The following CYB5R4 variants were observed in gnomAD, a reference collection of about 807,000 sequenced individuals.
CYB5R4 encodes cytochrome b5 reductase 4.
CYB5R4 carries 55 observed loss-of-function variants against 70.2 expected under a neutral mutation model. The observed-to-expected ratio is 0.78, with a 90% CI of 0.63 to 0.98. The LOEUF is 0.98. CYB5R4 is among the 50% of genes least tolerant of loss of function. The pLI is 0.00. For missense variants in CYB5R4, 562 were observed against 612.6 expected (o/e 0.92, Z 0.87); for synonymous variants, 197 against 199.5 (o/e 0.99, Z 0.11).
chr6:83,923,884 T>C (rs1469771697), intron 9 of CYB5R4, among the ~76,000 whole-genome samples: 2 of 150,572 alleles, frequency 1.3e-5, no homozygotes, highest in Non-Finnish European at 3.0e-5. Flanking sequence ...GCTAACACAG[T>C]GAAACCCCAT....
intron 3 of CYB5R4, among the ~76,000 whole-genome samples, chr6:83,907,476 CTTT>C (rs57474226): frequency 1.4e-5 from 2 of 144,936 alleles, no homozygotes; most frequent in African/African-American, 5.0e-5. Flanking sequence ...TTTTTTTGTT[CTTT>C]TTTTTTTTAA....
At chr6:83,870,311 T>TGCTATGAA (rs1454147297) in intron 2 of CYB5R4, among the ~76,000 whole-genome samples, 1 of 152,228 alleles carries the variant, frequency 6.6e-6, no homozygotes, top group African/African-American at 2.4e-5. Flanking sequence ...TGGAAATGAT[T>TGCTATGAA]GCTATGAACA....
In CYB5R4 at chr6:83,893,771, C is replaced by T. The variant is rs1413558411; in HGVS notation, c.330+149C>T. ...AGTGTGGGAAGATGCTCACAAGTAG[C>T]AGCTGTTCATTTAATTTGCCCTTTG... On this transcript the variant is annotated intron_variant, in intron 3 of 15. Transcript: ENST00000369681. 4 of 522,622 alleles carry T rather than the reference C, an allele frequency of 7.7e-6. No individual in the cohort carries two copies. The African/African-American group carries it at 7.9e-5, about 10-fold the overall frequency. The allele number at this position is 522,622 out of a possible 1,614,324, so 32.4% of individuals were successfully genotyped here.
chr6:83,880,218 C>T (rs73477112), intron 2 of CYB5R4, among the ~76,000 whole-genome samples: 3,690 of 152,250 alleles, frequency 0.024, 145 homozygotes, highest in African/African-American at 0.084. Flanking sequence ...TTGATCACCT[C>T]AAATATTTAT....
At chr6:83,880,517 A>C (rs1038382634) in intron 2 of CYB5R4, among the ~76,000 whole-genome samples, 1 of 152,178 alleles carries the variant, frequency 6.6e-6, no homozygotes, top group Non-Finnish European at 1.5e-5. Context: ...ATACTTGTGT[A>C]ATATTGATGT....
At chr6:83,943,520 A>G (rs920599542) in intron 14 of CYB5R4, among the ~76,000 whole-genome samples, 4 of 152,190 alleles carry the variant, frequency 2.6e-5, no homozygotes, top group African/African-American at 9.6e-5. Context: ...AAACCTATGC[A>G]AAAAGGCTGA....
chr6:83,941,913 C>G (rs966342545), intron 14 of CYB5R4, among the ~76,000 whole-genome samples: 1 of 152,202 alleles, frequency 6.6e-6, no homozygotes, highest in Non-Finnish European at 1.5e-5. Flanking sequence ...CTGCTCCTCA[C>G]CAGCATGAAA....
At chr6:83,863,695 C>A (rs12199033) in intron 1 of CYB5R4, among the ~76,000 whole-genome samples, 21 of 151,254 alleles carry the variant, frequency 1.4e-4, no homozygotes, top group Non-Finnish European at 2.9e-4. Context: ...AACTTTAGAT[C>A]AAAAATATTT....
chr6:83,931,805 T>A (rs186245287), intron 10 of CYB5R4, among the ~76,000 whole-genome samples: 4,579 of 74,922 alleles, frequency 0.061, 169 homozygotes, highest in African/African-American at 0.23. Context: ...ATATATATAT[T>A]TTTTTTTTAT....
At chr6:83,917,705 T>C (rs1432363202) in intron 5 of CYB5R4, among the ~76,000 whole-genome samples, 1 of 152,124 alleles carries the variant, frequency 6.6e-6, no homozygotes, top group African/African-American at 2.4e-5. Context: ...TCATTCTACT[T>C]ATATAAAGTT....
chr6:83,901,705 G>GT (rs34070915), intron 3 of CYB5R4, among the ~76,000 whole-genome samples: 9,538 of 143,874 alleles, frequency 0.066, 537 homozygotes, highest in African/African-American at 0.15. Flanking sequence ...ATTATTTCTT[G>GT]TTTTTTTTTT....
chr6:83,899,816 C>T (rs1393202116), intron 3 of CYB5R4, among the ~76,000 whole-genome samples: 3 of 152,110 alleles, frequency 2.0e-5, no homozygotes, highest in African/African-American at 7.2e-5. Flanking sequence ...GTGATATCCC[C>T]TTTATCATTT....
Position 83,893,584 on chromosome 6 carries a change from A to G in CYB5R4, c.292A>G (p.Arg98Gly). ...TCCTGGTGGAGAAGATGAACTAATG[A>G]GAGCAGCAGGATCAGATGGTACTGA... ...YHPGGEDELMRAAGSDGTELF... is the reference protein window; with the variant it reads ...YHPGGEDELMGAAGSDGTELF... Residue 98 changes from arginine to glycine, a missense_variant, in exon 3 of 16, where the codon AGA (arginine) becomes GGA (glycine). Coordinates refer to ENST00000369681, the MANE Select transcript of CYB5R4 (RefSeq NM_016230.4). 6.2e-7 allele frequency: 1 copy of G among 1,613,328 alleles called. No homozygotes were observed. Among genetic ancestry groups the G allele is most frequent in the Admixed American group, 1.7e-5 (1 of 59,950 alleles).
chr6:83,905,024 C>CT (rs202176488), intron 3 of CYB5R4, among the ~76,000 whole-genome samples: 1,711 of 146,340 alleles, frequency 0.012, 39 homozygotes, highest in African/African-American at 0.038. Context: ...CACTTCTTTC[C>CT]TTTTTTTTTT....
At position 83,962,849 on chromosome 6, in the gene CYB5R4, C is replaced by G. The variant is rs911528720; in HGVS notation, c.*2971C>G. ...TTGCCCACATTCCTTCTCATACTTT[C>G]TGTGTGGCCCTCTTCAGCATTAGTG... On this transcript the variant is annotated 3_prime_UTR_variant, in exon 16 of 16. Coordinates refer to ENST00000369681, the MANE Select transcript of CYB5R4 (RefSeq NM_016230.4). The G allele has an allele frequency of 3.3e-5, 5 of 152,226 alleles. No individual in the cohort carries two copies. The highest frequency in any genetic ancestry group is 1.2e-4 in the African/African-American group (5 of 41,458). The allele number at this position is 152,226 out of a possible 1,614,324, so 9.4% of individuals were successfully genotyped here.
intron 2 of CYB5R4, among the ~76,000 whole-genome samples, chr6:83,886,433 G>T (rs182602291): frequency 3.1e-4 from 47 of 152,236 alleles, no homozygotes; most frequent in African/African-American, 1.1e-3. Context: ...ATCCATAGAA[G>T]AAATATTATC....
chr6:83,960,890 A>G lies in CYB5R4; in HGVS notation c.*1012A>G, dbSNP rs1588590683. On this transcript the variant is annotated 3_prime_UTR_variant, in exon 16 of 16. Transcript: ENST00000369681. ...TACTTTCACAGATTCAGATCAGCAA[A>G]GGGTATCAAGGATAGTCATTGTGAG... 6.6e-6 allele frequency: 1 copy of G among 152,324 alleles called. No homozygotes were observed. The highest frequency in any genetic ancestry group is 1.9e-4 in the East Asian group (1 of 5,180). 9.4% of individuals were successfully genotyped at this position (152,324 alleles called of 1,614,324 possible).
chr6:83,925,846 TTTG>T (rs1378403380), intron 10 of CYB5R4, among the ~76,000 whole-genome samples: 1 of 152,228 alleles, frequency 6.6e-6, no homozygotes, highest in Non-Finnish European at 1.5e-5. Context: ...GTTTTGTCCT[TTTG>T]TTCTACTTTC....
At chr6:83,896,101 C>T (rs1021879848) in intron 3 of CYB5R4, among the ~76,000 whole-genome samples, 2 of 151,954 alleles carry the variant, frequency 1.3e-5, no homozygotes, top group African/African-American at 2.4e-5. Context: ...CTTGAATTCC[C>T]GGAGTAATCT....
Sources: gnomAD v4.1 joint callset for allele counts (sites outside exome capture counted in the v4.1 genomes callset) on GRCh38, gnomAD v4.1.1 for gene constraint, MANE v1.5 for transcripts, NCBI Gene and HGNC (gene_info 2026-07-23, HGNC 2026-07-21) for gene names.